The following IFITM2 variants were observed in gnomAD, a reference collection of about 807,000 sequenced individuals.
IFITM2 encodes interferon-induced transmembrane protein 2.
Under a neutral mutation model 5.9 loss-of-function variants are expected in IFITM2, and 3 were observed. The observed-to-expected ratio is 0.51, with a 90% CI of 0.23 to 1.32. The LOEUF (loss-of-function observed/expected upper bound fraction) is 1.32, where lower values mean the gene tolerates loss of function less well. IFITM2 is among the 40% of genes most tolerant of loss of function. The probability of loss-of-function intolerance (pLI) is 0.18; values close to 1 mark genes in which losing one functional copy is unlikely to be tolerated. For missense variants in IFITM2, 159 were observed against 175.9 expected (o/e 0.90, Z 0.54); for synonymous variants, 76 against 72.4 (o/e 1.05, Z -0.25).
chr11:309,010 C>A lies in IFITM2; in HGVS notation c.247-3C>A. ...GGTCCCCTCACCATCTCCTCTCCCC[C>A]AGTCTAGGGACAGGAAGATGGTTGG... On this transcript the variant is annotated splice_polypyrimidine_tract_variant and splice_region_variant and intron_variant, in intron 1 of 1. Transcript: ENST00000616316. The A allele has an allele frequency of 6.2e-6, 10 of 1,612,422 alleles. No homozygotes were observed. Among genetic ancestry groups the A allele is most frequent in the Non-Finnish European group, 8.5e-6 (10 of 1,179,132 alleles).
rs754905614 is a variant in IFITM2, at chr11:309,177, T to C, written c.*12T>C. 4.3e-6 allele frequency: 7 copies of C among 1,614,140 alleles called. No individual in the cohort carries two copies. Among genetic ancestry groups the C allele is most frequent in the Middle Eastern group, 1.6e-4 (1 of 6,062 alleles). On this transcript the variant is annotated 3_prime_UTR_variant, in exon 2 of 2. Transcript: ENST00000616316. ...AGGCCCAGCGATAGATCAGGAGGCA[T>C]CATTGAGGCCAGGAGCTCTGCCCGT...
At chr11:308,814 G>C (rs1429408364) in intron 1 of IFITM2, 199 bp from the exon 2 acceptor site, 2 of 748,290 alleles carry the variant, frequency 2.7e-6, no homozygotes. Context: ...TTCACCCCAT[G>C]GTGGGGAGAA....
intron 1 of IFITM2, 57 bp from the exon 2 acceptor site, chr11:308,956 T>A: frequency 6.2e-7 from 1 of 1,603,662 alleles, no homozygotes; most frequent in Non-Finnish European, 8.5e-7. Flanking sequence ...GCTGGAGCCA[T>A]AGCACGCGGC....
chr11:308,485 G>A (rs1380592411), intron 1 of IFITM2, 47 bp downstream of exon 1: 7 of 1,607,122 alleles, frequency 4.4e-6, no homozygotes, highest in African/African-American at 2.7e-5. Flanking sequence ...GTGAGCCTGG[G>A]GCTCCACCTG....
chr11:309,346 C>T lies in IFITM2; in HGVS notation c.*181C>T. ...CCGAGTCCTGCATCAGCCCTTTATCCTCACACGCTTTTCTACAATGGCATT... is the reference window on the plus strand; with the variant it reads ...CCGAGTCCTGCATCAGCCCTTTATCTTCACACGCTTTTCTACAATGGCATT... On this transcript the variant is annotated 3_prime_UTR_variant, in exon 2 of 2. Transcript: ENST00000616316. The T allele has an allele frequency of 6.8e-7, 1 of 1,472,580 alleles. No homozygotes were observed. The highest frequency in any genetic ancestry group is 9.2e-7 in the Non-Finnish European group (1 of 1,090,660). The allele number at this position is 1,472,580 out of a possible 1,614,324, so 91.2% of individuals were successfully genotyped here.
rs117325804 is a variant in IFITM2 at position 308,059 on chromosome 11, T to C, written c.-134T>C. 0.12 allele frequency: 138,705 copies of C among 1,131,832 alleles called. 10,161 individuals are homozygous for C. The highest frequency in any genetic ancestry group is 0.23 in the Middle Eastern group (812 of 3,536). 70.1% of individuals were successfully genotyped at this position (1,131,832 alleles called of 1,614,324 possible). A position where few individuals can be genotyped will look rare whatever the true frequency, so the allele number is the denominator to read the frequency against. On this transcript the variant is annotated 5_prime_UTR_variant, in exon 1 of 2. Transcript: ENST00000616316. ...TAATTTGATCCTCAGGAATTTGTTC[T>C]GCCCTTATCTGGCCCTGGCCAGCTC... is the stretch of plus-strand genomic sequence containing the variant.
chr11:308,555 G>C (rs4990600), intron 1 of IFITM2, 117 bp downstream of exon 1: 106,870 of 1,447,490 alleles, frequency 0.074, 4,542 homozygotes, highest in Middle Eastern at 0.1. Flanking sequence ...TTGTGTGCAC[G>C]TCTGTCCTGT....
chr11:308,512 G>A, intron 1 of IFITM2, 74 bp downstream of exon 1: 3 of 1,589,238 alleles, frequency 1.9e-6, no homozygotes, highest in Middle Eastern at 1.7e-4. Context: ...TGCTGCCTGG[G>A]GTGGGGACTT....
rs763210447 is a variant in IFITM2 at position 309,086 on chromosome 11, T to C, written c.320T>C (p.Ile107Thr). 1.2e-6 allele frequency: 2 copies of C among 1,614,236 alleles called. No homozygotes were observed. The highest frequency in any genetic ancestry group is 1.7e-6 in the Non-Finnish European group (2 of 1,180,034). ...GCCTCCACCGCCAAGTGCCTGAACA[T>C]CTGGGCCCTGATTTTGGGCATCTTC... ...AYASTAKCLN[I>T]WALILGIFMT... Residue 107 changes from isoleucine to threonine, a missense_variant, in exon 2 of 2, where the codon ATC becomes ACC. Transcript: ENST00000616316.
Position 308,397 on chromosome 11 carries a change from A to C in IFITM2, c.205A>C (p.Thr69Pro), listed in dbSNP as rs202139418. The C allele has an allele frequency of 9.8e-5, 158 of 1,613,748 alleles. No homozygotes were observed. The highest frequency in any genetic ancestry group is 3.5e-4 in the African/African-American group (26 of 74,984). ...CCTGTTCAACACCCTCTTCATGAAC[A>C]CCTGCTGCCTGGGCTTCATAGCATT... ...WSLFNTLFMN[T>P]CCLGFIAFAY... The change falls in exon 1 of 2, where the codon ACC becomes CCC. Residue 69 changes from threonine to proline, a missense_variant. Transcript: ENST00000616316.
Position 309,318 on chromosome 11 carries a change from C to A in IFITM2, c.*153C>A. Reference sequence around the variant, plus strand: ...CCTTCCATTCCTCGCCCTGTCCCCACAGCCGAGTCCTGCATCAGCCCTTTA... The same window carrying A: ...CCTTCCATTCCTCGCCCTGTCCCCAAAGCCGAGTCCTGCATCAGCCCTTTA... On this transcript the variant is annotated 3_prime_UTR_variant, in exon 2 of 2. Transcript: ENST00000616316. 1.3e-6 allele frequency: 2 copies of A among 1,546,502 alleles called. No homozygotes were observed. The highest frequency in any genetic ancestry group is 1.8e-6 in the Non-Finnish European group (2 of 1,142,740).
rs755996452 is a variant in IFITM2 at position 309,057 on chromosome 11, C to A, written c.291C>A (p.Ala97=). The change falls in exon 2 of 2, where the codon GCC becomes GCA. Residue 97 remains alanine (A), a synonymous_variant. Transcript: ENST00000616316. ...TTGGCGACGTGACCGGGGCCCAGGC[C>A]TATGCCTCCACCGCCAAGTGCCTGA... The part of the protein sequence containing the change: ...KMVGDVTGAQ[A]YASTAKCLNI... 1.2e-6 allele frequency: 2 copies of A among 1,614,206 alleles called. No homozygotes were observed. The highest frequency in any genetic ancestry group is 2.2e-5 in the South Asian group (2 of 91,084).
chr11:308,481 C>G (rs777084780), intron 1 of IFITM2, 43 bp downstream of exon 1: 2 of 1,608,848 alleles, frequency 1.2e-6, no homozygotes, highest in South Asian at 1.1e-5. Flanking sequence ...GCCGGTGAGC[C>G]TGGGGCTCCA....
chr11:308,153 A>G lies in IFITM2; in HGVS notation c.-40A>G. On this transcript the variant is annotated 5_prime_UTR_variant, in exon 1 of 2. Transcript: ENST00000616316. Reference sequence around the variant, plus strand: ...GAACTACTGGGGAAAGGGAGGGCTCACTGAGAACCATCCCGGTAACCCGAT... The same window carrying G: ...GAACTACTGGGGAAAGGGAGGGCTCGCTGAGAACCATCCCGGTAACCCGAT... 3 of 1,604,298 alleles carry G rather than the reference A, an allele frequency of 1.9e-6. No homozygotes were observed. The highest frequency in any genetic ancestry group is 1.3e-5 in the African/African-American group (1 of 74,870).
At chr11:308,815 G>A (rs1399939025) in intron 1 of IFITM2, 198 bp from the exon 2 acceptor site, 4 of 749,844 alleles carry the variant, frequency 5.3e-6, no homozygotes, top group Non-Finnish European at 9.6e-6. Flanking sequence ...TCACCCCATG[G>A]TGGGGAGAAC....
intron 1 of IFITM2, 59 bp from the exon 2 acceptor site, chr11:308,954 C>T: frequency 6.2e-7 from 1 of 1,603,634 alleles, no homozygotes; most frequent in Admixed American, 1.7e-5. Flanking sequence ...GAGCTGGAGC[C>T]ATAGCACGCG....
rs1371344868 is a variant in IFITM2, at chr11:309,299, A to G, written c.*134A>G. On this transcript the variant is annotated 3_prime_UTR_variant, in exon 2 of 2. Transcript: ENST00000616316. ...CTGTATTCCACTTACTCCACCTTCC[A>G]TTCCTCGCCCTGTCCCCACAGCCGA... 2.5e-6 allele frequency: 4 copies of G among 1,572,696 alleles called. No individual in the cohort carries two copies. Among genetic ancestry groups the G allele is most frequent in the East Asian group, 2.3e-5 (1 of 43,114 alleles).
chr11:308,503 G>T lies in IFITM2; in HGVS notation c.246+65G>T, dbSNP rs1213182091. Reference sequence around the variant, plus strand: ...AGCCTGGGGCTCCACCTGCCCACATGCTGCCTGGGGTGGGGACTTGTGTGT... The same window carrying T: ...AGCCTGGGGCTCCACCTGCCCACATTCTGCCTGGGGTGGGGACTTGTGTGT... On this transcript the variant is annotated intron_variant, in intron 1 of 1. Transcript: ENST00000616316. 9.4e-6 allele frequency: 15 copies of T among 1,597,172 alleles called. No homozygotes were observed. The East Asian group carries it at 1.1e-4, about 12-fold the overall frequency.
Position 309,339 on chromosome 11 carries a change from C to A in IFITM2, c.*174C>A. On this transcript the variant is annotated 3_prime_UTR_variant, in exon 2 of 2. Coordinates refer to ENST00000616316, the MANE Select transcript of IFITM2 (RefSeq NM_006435.3). Reference sequence around the variant, plus strand: ...CCCACAGCCGAGTCCTGCATCAGCCCTTTATCCTCACACGCTTTTCTACAA... The same window carrying A: ...CCCACAGCCGAGTCCTGCATCAGCCATTTATCCTCACACGCTTTTCTACAA... The A allele has an allele frequency of 2.7e-6, 4 of 1,499,600 alleles. No individual in the cohort carries two copies. The highest frequency in any genetic ancestry group is 1.8e-6 in the Non-Finnish European group (2 of 1,110,560). The allele number at this position is 1,499,600 out of a possible 1,614,324, so 92.9% of individuals were successfully genotyped here.
Sources: gnomAD v4.1 joint callset for allele counts on GRCh38, gnomAD v4.1.1 for gene constraint, MANE v1.5 for transcripts, NCBI Gene and HGNC (gene_info 2026-07-23, HGNC 2026-07-21) for gene names.